The following WIPF3 variants were observed in gnomAD, a reference collection of about 807,000 sequenced individuals.
The protein encoded by WIPF3 is WAS/WASL-interacting protein family member 3.
In WIPF3, 33 loss-of-function variants were observed where a neutral mutation model predicts 38.9. That is an observed-to-expected ratio of 0.85 (90% CI 0.64 to 1.14). The LOEUF is 1.14. Among genes scored for constraint, WIPF3 ranks in the 50% most tolerant of loss-of-function variants. The probability of loss-of-function intolerance (pLI) is 0.00; values close to 1 mark genes in which losing one functional copy is unlikely to be tolerated. For missense variants in WIPF3, 711 were observed against 652.5 expected, an observed-to-expected ratio of 1.09 and a Z score of -0.98; for synonymous variants, 324 against 269.3, an observed-to-expected ratio of 1.20 and a Z score of -1.99.
At chr7:29,821,564 C>G (rs1050698784) in intron 1 of WIPF3, among the ~76,000 whole-genome samples, 9 of 152,224 alleles carry the variant, frequency 5.9e-5, no homozygotes, top group African/African-American at 1.9e-4. Context: ...ATGGGGATTA[C>G]AGGCATAAGC....
chr7:29,888,033 C>T (rs1025208916), intron 5 of WIPF3, 35 bp from the exon 6 acceptor site: 11 of 1,612,666 alleles, frequency 6.8e-6, no homozygotes, highest in South Asian at 4.4e-5. Flanking sequence ...CATTCCCATC[C>T]GTGTTTCTGA....
intron 2 of WIPF3, among the ~76,000 whole-genome samples, chr7:29,855,643 G>T (rs185543759): frequency 3.3e-5 from 5 of 152,340 alleles, no homozygotes; most frequent in African/African-American, 1.2e-4. Flanking sequence ...GTTATGGCTG[G>T]AGTGGACGAG....
intron 3 of WIPF3, among the ~76,000 whole-genome samples, chr7:29,877,276 G>A (rs185157469): frequency 6.6e-6 from 1 of 152,320 alleles, no homozygotes; most frequent in East Asian, 1.9e-4. Context: ...TTAAAAGCCA[G>A]CTAGCAGAAT....
intron 1 of WIPF3, among the ~76,000 whole-genome samples, chr7:29,810,133 C>A (rs1398364895): frequency 2.0e-5 from 3 of 152,150 alleles, no homozygotes; most frequent in African/African-American, 7.2e-5. Context: ...CGGGGCTAGG[C>A]TAAGAGCTTT....
chr7:29,847,111 C>T (rs1785013095), intron 2 of WIPF3, among the ~76,000 whole-genome samples: 1 of 152,182 alleles, frequency 6.6e-6, no homozygotes, highest in African/African-American at 2.4e-5. Flanking sequence ...TTGTGAGGAT[C>T]CCATAAGATA....
intron 2 of WIPF3, among the ~76,000 whole-genome samples, 171 bp from the exon 3 acceptor site, chr7:29,875,659 A>G (rs1464350115): frequency 6.6e-6 from 1 of 152,130 alleles, no homozygotes; most frequent in Non-Finnish European, 1.5e-5. Flanking sequence ...GTCACCAGGA[A>G]AAGAGGTGTG....
At chr7:29,851,028 C>T (rs1013493611) in intron 2 of WIPF3, among the ~76,000 whole-genome samples, 1 of 152,232 alleles carries the variant, frequency 6.6e-6, no homozygotes, top group Non-Finnish European at 1.5e-5. Flanking sequence ...ATATCAGTGG[C>T]AGTCCCCTCT....
In WIPF3 at chr7:29,883,968, G is replaced by T. The variant is rs1039097232; in HGVS notation, c.474G>T (p.Ala158=). 3.4e-5 allele frequency: 53 copies of T among 1,545,068 alleles called. No homozygotes were observed. The highest frequency in any genetic ancestry group is 5.5e-5 in the African/African-American group (4 of 72,812). ...CCAGGCTAGGCAATACCTCCGAGGC[G>T]CATGGCGCTGCCAGGACAGCCCCGC... is the stretch of plus-strand genomic sequence containing the variant. ...ASPRLGNTSE[A]HGAARTAPPR... is the part of the protein sequence containing the mutation. The change falls in exon 5 of 9, where the codon GCG becomes GCT. Residue 158 remains alanine (A), a synonymous_variant. Coordinates refer to ENST00000242140, the MANE Select transcript of WIPF3 (RefSeq NM_001080529.3).
chr7:29,861,856 ATGT>A (rs1270116355), intron 2 of WIPF3, among the ~76,000 whole-genome samples: 7 of 152,300 alleles, frequency 4.6e-5, no homozygotes, highest in South Asian at 2.1e-4. Context: ...TAGGACACTG[ATGT>A]TGTTGTCATC....
chr7:29,864,470 TTAAG>T (rs531085296), intron 2 of WIPF3, among the ~76,000 whole-genome samples: 226 of 152,338 alleles, frequency 1.5e-3, no homozygotes, highest in Non-Finnish European at 2.4e-3. Flanking sequence ...TGTAATCGTA[TTAAG>T]TGTTTCCTGC....
chr7:29,875,431 C>T (rs1785569711), intron 2 of WIPF3, among the ~76,000 whole-genome samples: 1 of 152,130 alleles, frequency 6.6e-6, no homozygotes, highest in Non-Finnish European at 1.5e-5. Flanking sequence ...GGGAATCAGT[C>T]AAGGATTTGG....
intron 7 of WIPF3, among the ~76,000 whole-genome samples, chr7:29,901,383 A>ATTTTTTT (rs543723994): frequency 8.2e-6 from 1 of 122,220 alleles, no homozygotes; most frequent in Non-Finnish European, 1.7e-5. Context: ...AGCAGCAGTG[A>ATTTTTTT]TTTTTTTTTT....
chr7:29,870,159 A>G (rs918676931), intron 2 of WIPF3, among the ~76,000 whole-genome samples: 6 of 152,182 alleles, frequency 3.9e-5, no homozygotes, highest in Non-Finnish European at 8.8e-5. Context: ...GCTCAAGCCA[A>G]GGTCTTGAGG....
At chr7:29,834,487 C>A (rs1338612616) in intron 1 of WIPF3, among the ~76,000 whole-genome samples, 181 bp from the exon 2 acceptor site, 1 of 152,116 alleles carries the variant, frequency 6.6e-6, no homozygotes, top group Non-Finnish European at 1.5e-5. Flanking sequence ...CAATCTCCAG[C>A]ACTTAGCACA....
At chr7:29,913,532 G>GA (rs2128082494) in intron 8 of WIPF3, among the ~76,000 whole-genome samples, 1 of 152,236 alleles carries the variant, frequency 6.6e-6, no homozygotes, top group Admixed American at 6.5e-5. Flanking sequence ...CCGTGACCAG[G>GA]AAAATATAGT....
intron 2 of WIPF3, among the ~76,000 whole-genome samples, chr7:29,859,137 G>A (rs1203794223): frequency 6.6e-6 from 1 of 152,188 alleles, no homozygotes; most frequent in Non-Finnish European, 1.5e-5. Flanking sequence ...GGTAGGGCTG[G>A]AACTTGAGGG....
At chr7:29,828,952 C>T (rs941359298) in intron 1 of WIPF3, among the ~76,000 whole-genome samples, 1 of 152,210 alleles carries the variant, frequency 6.6e-6, no homozygotes, top group South Asian at 2.1e-4. Context: ...GAAGAGCCTC[C>T]GTCATGGCAG....
chr7:29,861,667 G>A (rs1174096090), intron 2 of WIPF3, among the ~76,000 whole-genome samples: 1 of 152,176 alleles, frequency 6.6e-6, no homozygotes, highest in Non-Finnish European at 1.5e-5. Context: ...AGACCAGAAT[G>A]GTTGTGCTTA....
At chr7:29,842,780 C>T (rs1256555204) in intron 2 of WIPF3, among the ~76,000 whole-genome samples, 1 of 152,012 alleles carries the variant, frequency 6.6e-6, no homozygotes, top group Non-Finnish European at 1.5e-5. Flanking sequence ...GGCAGAGGGT[C>T]GCTAGGTGGA....
Sources: gnomAD v4.1 joint callset for allele counts (sites outside exome capture counted in the v4.1 genomes callset) on GRCh38, gnomAD v4.1.1 for gene constraint, MANE v1.5 for transcripts, NCBI Gene and HGNC (gene_info 2026-07-23, HGNC 2026-07-21) for gene names.